Variants in PTPRT observed in about 807,000 individuals in gnomAD.
PTPRT encodes receptor-type tyrosine-protein phosphatase T.
Under a neutral mutation model 176.8 loss-of-function variants are expected in PTPRT, and 56 were observed. That is an observed-to-expected ratio of 0.32 (90% CI 0.26 to 0.40). The LOEUF (loss-of-function observed/expected upper bound fraction) is 0.40, where lower values mean the gene tolerates loss of function less well. Ranked by LOEUF, PTPRT falls within the 10% of genes least tolerant of loss-of-function variation. The pLI, the probability that PTPRT is intolerant of heterozygous loss-of-function variation, is 1.00. For missense variants in PTPRT, 1,540 were observed against 1,908.2 expected, an observed-to-expected ratio of 0.81 and a Z score of 3.60; for synonymous variants, 783 against 739.0, an observed-to-expected ratio of 1.06 and a Z score of -0.96.
At chr20:42,868,862 C>G (rs1007059053) in intron 2 of PTPRT, among the ~76,000 whole-genome samples, 1 of 152,050 alleles carries the variant, frequency 6.6e-6, no homozygotes, top group Non-Finnish European at 1.5e-5. Context: ...CCTCAGCACT[C>G]GCTGCTCTGT....
At chr20:42,470,811 C>A (rs533684366) in intron 8 of PTPRT, among the ~76,000 whole-genome samples, 1 of 151,704 alleles carries the variant, frequency 6.6e-6, no homozygotes, top group East Asian at 2.0e-4. Flanking sequence ...TGGGTAAGGA[C>A]AGAGAGGCAG....
intron 1 of PTPRT, among the ~76,000 whole-genome samples, chr20:43,097,442 C>T (rs936623071): frequency 6.6e-6 from 1 of 152,206 alleles, no homozygotes; most frequent in Non-Finnish European, 1.5e-5. Flanking sequence ...TTAATGGCCA[C>T]AGAACATTAA....
intron 7 of PTPRT, among the ~76,000 whole-genome samples, chr20:42,665,737 T>C (rs918994328): frequency 1.2e-4 from 19 of 152,158 alleles, no homozygotes; most frequent in African/African-American, 4.6e-4. Context: ...ATGTGGCACA[T>C]ATACACCATG....
At chr20:43,044,148 T>C (rs1237903601) in intron 1 of PTPRT, among the ~76,000 whole-genome samples, 1 of 152,118 alleles carries the variant, frequency 6.6e-6, no homozygotes, top group East Asian at 1.9e-4. Context: ...AGGCTGAATT[T>C]GGAGCACCTG....
intron 7 of PTPRT, among the ~76,000 whole-genome samples, chr20:42,546,793 A>C (rs976502506): frequency 6.6e-6 from 1 of 152,154 alleles, no homozygotes; most frequent in Non-Finnish European, 1.5e-5. Flanking sequence ...GAATGACAGG[A>C]GAATGGATGG....
At chr20:42,747,168 C>T (rs2076702774) in intron 6 of PTPRT, among the ~76,000 whole-genome samples, 1 of 152,054 alleles carries the variant, frequency 6.6e-6, no homozygotes, top group Non-Finnish European at 1.5e-5. Context: ...GAAACAGATA[C>T]CTATAAAGGA....
chr20:42,578,300 A>T (rs1443719216), intron 7 of PTPRT, among the ~76,000 whole-genome samples: 1 of 152,104 alleles, frequency 6.6e-6, no homozygotes, highest in Non-Finnish European at 1.5e-5. Context: ...CTCCCAGTGC[A>T]GGGTAAATGG....
the PTPRT span, among the ~76,000 whole-genome samples, chr20:42,033,946 G>C: frequency 6.6e-6 from 1 of 152,314 alleles, no homozygotes; most frequent in African/African-American, 2.4e-5. Context: ...TGGTCCCAGA[G>C]CCCTGTCAGT....
At chr20:42,613,170 C>A (rs548551131) in intron 7 of PTPRT, among the ~76,000 whole-genome samples, 71 of 152,292 alleles carry the variant, frequency 4.7e-4, no homozygotes, top group African/African-American at 1.6e-3. Context: ...TGGCAGACTG[C>A]GGCCAGTTGT....
intron 2 of PTPRT, among the ~76,000 whole-genome samples, chr20:42,877,474 CA>C (rs2078952521): frequency 6.6e-6 from 1 of 152,096 alleles, no homozygotes; most frequent in African/African-American, 2.4e-5. Context: ...ACTGGACTCC[CA>C]AAACAATAAC....
At chr20:42,279,433 C>T (rs553255428) in intron 13 of PTPRT, among the ~76,000 whole-genome samples, 1 of 152,246 alleles carries the variant, frequency 6.6e-6, no homozygotes, top group South Asian at 2.1e-4. Flanking sequence ...CTAAGAGACA[C>T]ACGTAGAAAA....
intron 1 of PTPRT, among the ~76,000 whole-genome samples, chr20:42,937,324 G>C (rs1192203098): frequency 1.3e-5 from 2 of 152,162 alleles, no homozygotes; most frequent in Non-Finnish European, 2.9e-5. Flanking sequence ...AAGCTCCTTG[G>C]CAGTAGGCTG....
At chr20:42,952,377 A>G (rs949593879) in intron 1 of PTPRT, among the ~76,000 whole-genome samples, 1 of 152,364 alleles carries the variant, frequency 6.6e-6, no homozygotes, top group East Asian at 1.9e-4. Flanking sequence ...TATGAAGGAC[A>G]GTGAGAACAA....
intron 11 of PTPRT, among the ~76,000 whole-genome samples, chr20:42,335,459 A>AACAGAGATAAT (rs1279164523): frequency 6.6e-6 from 1 of 152,178 alleles, no homozygotes; most frequent in African/African-American, 2.4e-5. Flanking sequence ...CTCTAGAAGA[A>AACAGAGATAAT]ACAGAGATAA....
chr20:42,090,781 G>A (rs1251798030), intron 27 of PTPRT, among the ~76,000 whole-genome samples: 3 of 152,176 alleles, frequency 2.0e-5, no homozygotes, highest in South Asian at 2.1e-4. Context: ...TTAAGATCAC[G>A]AGGACGTAGC....
At chr20:42,593,224 G>A (rs1339080983) in intron 7 of PTPRT, among the ~76,000 whole-genome samples, 3 of 152,094 alleles carry the variant, frequency 2.0e-5, no homozygotes, top group Non-Finnish European at 4.4e-5. Context: ...CTCTGTGATC[G>A]CTATTGGATG....
intron 26 of PTPRT, among the ~76,000 whole-genome samples, chr20:42,100,775 C>T (rs1985859420): frequency 6.6e-6 from 1 of 152,206 alleles, no homozygotes; most frequent in Non-Finnish European, 1.5e-5. Flanking sequence ...CTTTAGAAGG[C>T]TCTAAGCTAT....
At chr20:42,329,163 T>C (rs889968634) in intron 11 of PTPRT, among the ~76,000 whole-genome samples, 13 of 152,188 alleles carry the variant, frequency 8.5e-5, no homozygotes, top group African/African-American at 2.9e-4. Flanking sequence ...CTCAGATGAA[T>C]AGATAGGCTT....
At chr20:42,226,731 G>C (rs974501697) in intron 15 of PTPRT, among the ~76,000 whole-genome samples, 9 of 152,124 alleles carry the variant, frequency 5.9e-5, no homozygotes, top group Non-Finnish European at 1.3e-4. Context: ...ATATTGCTAA[G>C]TGGGCACTGT....
Sources: gnomAD v4.1 joint callset for allele counts (sites outside exome capture counted in the v4.1 genomes callset) on GRCh38, gnomAD v4.1.1 for gene constraint, MANE v1.5 for transcripts, NCBI Gene and HGNC (gene_info 2026-07-23, HGNC 2026-07-21) for gene names.